The following MAGI3 variants were observed in gnomAD, a reference collection of about 807,000 sequenced individuals.
MAGI3 encodes the protein membrane associated guanylate kinase, WW and PDZ domain containing 3.
A neutral mutation model predicts 121.8 loss-of-function variants in MAGI3; 43 were observed. That is an observed-to-expected ratio of 0.35 (90% CI 0.28 to 0.46). The LOEUF is 0.46. Among genes scored for constraint, MAGI3 ranks in the 20% least tolerant of loss-of-function variants. The pLI is 1.00. For synonymous variants in MAGI3, 553 were observed against 639.3 expected (o/e 0.86, Z 2.04); for missense variants, 1,547 against 1,797.3 (o/e 0.86, Z 2.52).
chr1:113,629,752 C>CTA (rs1651485307), intron 9 of MAGI3, among the ~76,000 whole-genome samples: 4 of 116,138 alleles, frequency 3.4e-5, no homozygotes, highest in Non-Finnish European at 7.2e-5. Flanking sequence ...CTCTCTCTCT[C>CTA]TCTCTCTCTC....
At chr1:113,566,021 T>G (rs867269285) in intron 2 of MAGI3, among the ~76,000 whole-genome samples, 2 of 152,240 alleles carry the variant, frequency 1.3e-5, no homozygotes, top group South Asian at 2.1e-4. Context: ...GAACTTTTTT[T>G]GTCATTTTTC....
chr1:113,605,508 C>G (rs1649702492), intron 6 of MAGI3, among the ~76,000 whole-genome samples: 1 of 151,994 alleles, frequency 6.6e-6, no homozygotes, highest in East Asian at 1.9e-4. Context: ...GAGATAATTC[C>G]CTGGAATGCT....
At position 113,446,076 on chromosome 1, in the gene MAGI3, A is replaced by C. The variant is rs146538571; in HGVS notation, c.316+54727A>C. On this transcript the variant is annotated intron_variant, in intron 1 of 20. Coordinates refer to ENST00000307546, the MANE Select transcript of MAGI3 (RefSeq NM_001142782.2). Reference sequence around the variant, plus strand: ...ATGATTTAAGAGTAATACATTAAGAAAAACAATCATTAGTCCAAAAGCTAG... The same window carrying C: ...ATGATTTAAGAGTAATACATTAAGACAAACAATCATTAGTCCAAAAGCTAG... Among the ~76,000 whole-genome samples the C allele has an allele frequency of 4.6e-3, 695 of 152,370 alleles. 8 individuals are homozygous for C. Among genetic ancestry groups the C allele is most frequent in the African/African-American group, 0.016 (656 of 41,590 alleles).
chr1:113,513,696 C>A (rs1657735580), intron 1 of MAGI3, among the ~76,000 whole-genome samples: 1 of 152,174 alleles, frequency 6.6e-6, no homozygotes, highest in South Asian at 2.1e-4. Flanking sequence ...CTAGGCATTA[C>A]CATTCAGGAC....
intron 6 of MAGI3, among the ~76,000 whole-genome samples, chr1:113,614,224 T>C (rs1650323238): frequency 6.6e-6 from 1 of 152,130 alleles, no homozygotes; most frequent in African/African-American, 2.4e-5. Context: ...TGACTATGTA[T>C]AATAGTAAAA....
At chr1:113,602,147 C>T (rs973070940) in intron 6 of MAGI3, among the ~76,000 whole-genome samples, 1 of 151,982 alleles carries the variant, frequency 6.6e-6, no homozygotes, top group Non-Finnish European at 1.5e-5. Flanking sequence ...GGGTGCAGCA[C>T]ACCAGCATGT....
intron 1 of MAGI3, among the ~76,000 whole-genome samples, chr1:113,546,186 T>A (rs1659525565): frequency 6.6e-6 from 1 of 152,232 alleles, no homozygotes; most frequent in African/African-American, 2.4e-5. Context: ...TTTAATTAAT[T>A]GTTACTTTTA....
chr1:113,664,824 T>G (rs1212728398), intron 16 of MAGI3, among the ~76,000 whole-genome samples: 1 of 152,180 alleles, frequency 6.6e-6, no homozygotes, highest in African/African-American at 2.4e-5. Context: ...TATGCTTGAG[T>G]TTTTTTCTTG....
At chr1:113,479,898 A>G (rs532004977) in intron 1 of MAGI3, among the ~76,000 whole-genome samples, 17 of 151,822 alleles carry the variant, frequency 1.1e-4, no homozygotes, top group Admixed American at 7.2e-4. Flanking sequence ...GGAATTTTTC[A>G]GTTCATTCAT....
chr1:113,590,580 T>C lies in MAGI3; in HGVS notation c.860T>C (p.Met287Thr), dbSNP rs779827235. The change falls in exon 5 of 21, where the codon ATG becomes ACG. Residue 287 changes from methionine (M) to threonine (T), a missense_variant. Physicochemically the swap from Met to Thr is moderately conservative, Grantham distance 81. Transcript: ENST00000307546. Reference sequence around the variant, plus strand: ...TCCATGGACTTTAGAAATTATATGATGAGAGATGAGACTCTGGAACCACTG... The same window carrying C: ...TCCATGGACTTTAGAAATTATATGACGAGAGATGAGACTCTGGAACCACTG... Reference protein sequence around the residue: ...NSSMDFRNYMMRDETLEPLPK... With the variant: ...NSSMDFRNYMTRDETLEPLPK... 45 of 1,613,612 alleles carry C rather than the reference T, an allele frequency of 2.8e-5. No homozygotes were observed. The highest frequency in any genetic ancestry group is 1.7e-6 in the Non-Finnish European group (2 of 1,179,698).
chr1:113,585,469 T>A lies in MAGI3; in HGVS notation c.636T>A (p.Asn212Lys), dbSNP rs1648307698. ...PDPVDQVLFD[N>K]EFDAESQRKR... ...CAGTTGATCAAGTCCTCTTTGATAA[T>A]GAGTTTGATGCAGAATCTCAAAGAA... is the stretch of plus-strand genomic sequence containing the variant. The change falls in exon 4 of 21, where the codon AAT becomes AAA. Residue 212 changes from asparagine (N) to lysine (K), a missense_variant. Physicochemically the swap from Asn to Lys is moderately conservative, Grantham distance 94 (BLOSUM62 0). Transcript: ENST00000307546. 3 of 1,613,966 alleles carry A rather than the reference T, an allele frequency of 1.9e-6. No individual in the cohort carries two copies.
chr1:113,492,631 C>T (rs897926978), intron 1 of MAGI3, among the ~76,000 whole-genome samples: 4 of 152,074 alleles, frequency 2.6e-5, no homozygotes, highest in Non-Finnish European at 5.9e-5. Context: ...ATGACATAAT[C>T]GTATACCTAG....
intron 13 of MAGI3, 50 bp from the exon 14 acceptor site, chr1:113,650,964 T>A (rs778499563): frequency 6.5e-7 from 1 of 1,527,498 alleles, no homozygotes. Context: ...CCTTAACTCT[T>A]CAGCTAAACT....
At chr1:113,447,592 G>A (rs1478740089) in intron 1 of MAGI3, among the ~76,000 whole-genome samples, 5 of 152,158 alleles carry the variant, frequency 3.3e-5, no homozygotes, top group South Asian at 2.1e-4. Context: ...GGTGGCTCAC[G>A]CCTATAATCC....
intron 6 of MAGI3, among the ~76,000 whole-genome samples, chr1:113,611,804 A>C (rs1462144122): frequency 2.0e-5 from 3 of 152,196 alleles, no homozygotes. Flanking sequence ...TGTTCATAAA[A>C]TTCATTTCCC....
At chr1:113,474,535 T>G (rs561701800) in intron 1 of MAGI3, among the ~76,000 whole-genome samples, 3 of 152,190 alleles carry the variant, frequency 2.0e-5, no homozygotes, top group Non-Finnish European at 4.4e-5. Context: ...TATCCCCATT[T>G]CTTGTTTTTG....
At chr1:113,599,224 C>T (rs1003251672) in intron 6 of MAGI3, among the ~76,000 whole-genome samples, 6 of 151,932 alleles carry the variant, frequency 3.9e-5, no homozygotes, top group Non-Finnish European at 8.8e-5. Flanking sequence ...AAATTCAGAG[C>T]AGAACTGAAG....
At chr1:113,591,407 C>T (rs1648684602) in intron 5 of MAGI3, among the ~76,000 whole-genome samples, 1 of 151,886 alleles carries the variant, frequency 6.6e-6, no homozygotes, top group East Asian at 1.9e-4. Flanking sequence ...AATTAAATAA[C>T]GGTTAAAATA....
chr1:113,575,132 G>T (rs1359652652), intron 2 of MAGI3, among the ~76,000 whole-genome samples: 1 of 152,108 alleles, frequency 6.6e-6, no homozygotes, highest in African/African-American at 2.4e-5. Flanking sequence ...TGGGTTAGAA[G>T]ATGGTCCTTT....
Sources: allele counts gnomAD v4.1 joint callset (sites outside exome capture counted in the v4.1 genomes callset), GRCh38; gene constraint gnomAD v4.1.1; transcripts MANE v1.5; gene names NCBI Gene and HGNC (gene_info 2026-07-23, HGNC 2026-07-21).